SLC35G2: variants seen among roughly 807,000 people sequenced by gnomAD.
SLC35G2 encodes the protein solute carrier family 35 member G2, also known as transmembrane protein 22.
A neutral mutation model predicts 27.2 loss-of-function variants in SLC35G2; 20 were observed. The ratio of observed to expected loss-of-function variants is 0.74; its 90% CI spans 0.52 to 1.07. The LOEUF is 1.07. Ranked by LOEUF, SLC35G2 falls within the 50% of genes least tolerant of loss-of-function variation. The pLI is 0.00. For missense variants in SLC35G2, 416 were observed against 493.3 expected (o/e 0.84, Z 1.48); for synonymous variants, 148 against 165.3 (o/e 0.90, Z 0.80).
chr3:136,822,857 T>C (rs924017957), intron 1 of SLC35G2, among the ~76,000 whole-genome samples: 14 of 152,218 alleles, frequency 9.2e-5, no homozygotes, highest in Non-Finnish European at 1.9e-4. Context: ...TTGTGAACAG[T>C]GCGGCAACAA....
At chr3:136,843,238 G>A (rs895955735) in intron 1 of SLC35G2, 38 of 149,878 alleles carry the variant, frequency 2.5e-4, no homozygotes, top group African/African-American at 9.1e-4. Flanking sequence ...CAGGAGAATG[G>A]CGTGAACCCG....
intron 1 of SLC35G2, among the ~76,000 whole-genome samples, chr3:136,833,069 CAAAAAA>C (rs56357764): frequency 2.1e-4 from 24 of 114,834 alleles, no homozygotes; most frequent in South Asian, 2.8e-4. Flanking sequence ...GACTCTGTCT[CAAAAAA>C]AAAAAAAAAA....
At chr3:136,837,988 G>A (rs1204694232) in intron 1 of SLC35G2, 1 of 151,772 alleles carries the variant, frequency 6.6e-6, no homozygotes, top group African/African-American at 2.4e-5. Context: ...GACTACAGGC[G>A]GGAGTCACCA....
chr3:136,822,694 T>G (rs1936486432), intron 1 of SLC35G2, among the ~76,000 whole-genome samples: 1 of 152,266 alleles, frequency 6.6e-6, no homozygotes, highest in Non-Finnish European at 1.5e-5. Flanking sequence ...TTTGTCTTTC[T>G]GTGCCTGGCT....
chr3:136,847,012 C>CAAAAACCCCATTTCTACTAAA (rs1937412406), intron 1 of SLC35G2, among the ~76,000 whole-genome samples: 1 of 151,858 alleles, frequency 6.6e-6, no homozygotes, highest in Admixed American at 6.6e-5. Flanking sequence ...ACTAAAAATA[C>CAAAAACCCCATTTCTACTAAA]AAAAATTAGC....
intron 1 of SLC35G2, among the ~76,000 whole-genome samples, chr3:136,825,464 A>G (rs555340247): frequency 8.6e-5 from 13 of 151,968 alleles, no homozygotes; most frequent in African/African-American, 2.7e-4. Context: ...GCTGGTCTCA[A>G]ACTCCTGGAC....
chr3:136,832,587 T>A (rs982692908), intron 1 of SLC35G2, among the ~76,000 whole-genome samples: 2 of 152,248 alleles, frequency 1.3e-5, no homozygotes, highest in Non-Finnish European at 2.9e-5. Context: ...TTCTTGGTCT[T>A]GTCTCTCATA....
intron 1 of SLC35G2, among the ~76,000 whole-genome samples, chr3:136,820,986 T>G (rs1936443666): frequency 1.3e-5 from 1 of 79,612 alleles, no homozygotes; most frequent in Non-Finnish European, 2.8e-5. Flanking sequence ...TCATAGAAAT[T>G]TATAATCTTA....
intron 1 of SLC35G2, chr3:136,842,320 G>A (rs1469248868): frequency 6.6e-6 from 1 of 152,230 alleles, no homozygotes; most frequent in East Asian, 1.9e-4. Context: ...AGAGATGTGA[G>A]TAATAGGGTT....
intron 1 of SLC35G2, among the ~76,000 whole-genome samples, chr3:136,831,724 G>A (rs1936733404): frequency 6.6e-6 from 1 of 152,158 alleles, no homozygotes; most frequent in Non-Finnish European, 1.5e-5. Flanking sequence ...GTGACAGCCT[G>A]GGTTTGAAGC....
At chr3:136,825,559 T>C (rs1455245311) in intron 1 of SLC35G2, among the ~76,000 whole-genome samples, 1 of 152,122 alleles carries the variant, frequency 6.6e-6, no homozygotes, top group Non-Finnish European at 1.5e-5. Flanking sequence ...GCTTTTATTA[T>C]GCTGGGATAT....
At chr3:136,831,968 G>T (rs112304612) in intron 1 of SLC35G2, among the ~76,000 whole-genome samples, 1 of 151,748 alleles carries the variant, frequency 6.6e-6, no homozygotes, top group Non-Finnish European at 1.5e-5. Flanking sequence ...GCTCTCAGGG[G>T]TTAACAAACT....
chr3:136,835,315 T>C (rs1936836694), intron 1 of SLC35G2, among the ~76,000 whole-genome samples: 2 of 150,484 alleles, frequency 1.3e-5, no homozygotes, highest in South Asian at 2.1e-4. Flanking sequence ...TTCTTTTTTT[T>C]TTTTTTTTGT....
intron 1 of SLC35G2, among the ~76,000 whole-genome samples, chr3:136,844,858 A>G (rs768968647): frequency 3.1e-4 from 47 of 151,996 alleles, no homozygotes; most frequent in Non-Finnish European, 6.3e-4. Context: ...TGTACATTCA[A>G]TGGAAAAACT....
In SLC35G2 at chr3:136,835,354, GTTTC is replaced by G. The variant is rs1936838940; in HGVS notation, c.-19+15729_-19+15732del. The stretch of plus-strand genomic sequence containing the variant: ...GTTCCTCATTTTAGGTTTGTCTGAT[GTTTC>G]TTCTTGATTAGATTCAGGTGATACA... On this transcript the variant is annotated intron_variant, in intron 1 of 1. Coordinates refer to ENST00000446465, the MANE Select transcript of SLC35G2 (RefSeq NM_025246.3). Among the ~76,000 whole-genome samples the G allele has an allele frequency of 9.9e-5, 9 of 91,152 alleles. No homozygotes were observed. The South Asian group carries it at 3.1e-3, about 31-fold the overall frequency. The allele number at this position is 91,152 out of a possible 152,430, so 59.8% of individuals were successfully genotyped here.
chr3:136,849,094 G>A lies in SLC35G2; in HGVS notation c.-18-5349G>A, dbSNP rs529048030. On this transcript the variant is annotated intron_variant, in intron 1 of 1. Transcript: ENST00000446465. ...TTTGGGAGGCTGAGGCAGGAGAGTC[G>A]CTTGAATCCGGAGGTGGAGGTTGTA... is the stretch of plus-strand genomic sequence containing the variant. Among the ~76,000 whole-genome samples the A allele has an allele frequency of 9.2e-5, 14 of 151,882 alleles. No individual in the cohort carries two copies. In the East Asian group the frequency reaches 1.7e-3, roughly 19 times the overall value.
chr3:136,837,797 C>G (rs1170742075), intron 1 of SLC35G2: 1 of 151,564 alleles, frequency 6.6e-6, no homozygotes, highest in African/African-American at 2.4e-5. Context: ...TCAAAGAGTT[C>G]ACATATTTTA....
Position 136,854,834 on chromosome 3 carries a change from T to C in SLC35G2, c.374T>C (p.Val125Ala). 1.2e-6 allele frequency: 2 copies of C among 1,614,240 alleles called. No homozygotes were observed. The highest frequency in any genetic ancestry group is 1.7e-6 in the Non-Finnish European group (2 of 1,180,032). Residue 125 changes from valine to alanine, a missense_variant, in exon 2 of 2, where the codon GTT becomes GCT. Val to Ala is a moderately conservative substitution (Grantham distance 64, BLOSUM62 0). Transcript: ENST00000446465. Reference sequence around the variant, plus strand: ...TGTGTAGCTCTTATCACTAGGCTTGTTTCTGATCGGTCTAAAGTTCCATCT... The same window carrying C: ...TGTGTAGCTCTTATCACTAGGCTTGCTTCTGATCGGTCTAAAGTTCCATCT... ...HGCVALITRL[V>A]SDRSKVPSLE...
intron 1 of SLC35G2, among the ~76,000 whole-genome samples, chr3:136,830,368 C>T (rs555215987): frequency 8.5e-5 from 13 of 152,134 alleles, no homozygotes; most frequent in African/African-American, 2.7e-4. Context: ...CTGCAAGCTC[C>T]GCCTCCCAGG....
Sources: allele counts gnomAD v4.1 joint callset (sites outside exome capture counted in the v4.1 genomes callset), GRCh38; gene constraint gnomAD v4.1.1; transcripts MANE v1.5; gene names NCBI Gene and HGNC (gene_info 2026-07-23, HGNC 2026-07-21).